RSU1: variants seen among roughly 807,000 people sequenced by gnomAD.
RSU1 encodes the protein Ras suppressor protein 1.
In RSU1, 26 loss-of-function variants were observed where a neutral mutation model predicts 31.1. The ratio of observed to expected loss-of-function variants is 0.84; its 90% CI spans 0.61 to 1.16. The LOEUF is 1.16. Among genes scored for constraint, RSU1 ranks in the 50% most tolerant of loss-of-function variants. The pLI is 0.00. For synonymous variants in RSU1, 164 were observed against 136.3 expected (o/e 1.20, Z -1.41); for missense variants, 320 against 339.1 (o/e 0.94, Z 0.44).
At chr10:16,767,469 T>A (rs980571947) in intron 3 of RSU1, 2 of 152,148 alleles carry the variant, frequency 1.3e-5, no homozygotes, top group African/African-American at 4.8e-5. Context: ...ACGCAAACAA[T>A]AACCCCATAT....
At chr10:16,762,041 C>T (rs1837220221) in intron 4 of RSU1, among the ~76,000 whole-genome samples, 1 of 152,076 alleles carries the variant, frequency 6.6e-6, no homozygotes, top group South Asian at 2.1e-4. Context: ...TGTTGGTCCA[C>T]AACCGCCAGC....
chr10:16,704,209 C>T (rs1835850151), intron 7 of RSU1, among the ~76,000 whole-genome samples: 1 of 152,102 alleles, frequency 6.6e-6, no homozygotes, highest in African/African-American at 2.4e-5. Context: ...AGGATAAAAA[C>T]CTACCAACTG....
intron 8 of RSU1, among the ~76,000 whole-genome samples, chr10:16,680,230 G>A (rs940209143): frequency 1.3e-5 from 2 of 151,706 alleles, no homozygotes; most frequent in Admixed American, 6.6e-5. Flanking sequence ...CCTTTAACGG[G>A]GTATCAAAAA....
chr10:16,613,417 C>G (rs930527908), intron 8 of RSU1, among the ~76,000 whole-genome samples: 1 of 152,146 alleles, frequency 6.6e-6, no homozygotes, highest in Admixed American at 6.5e-5. Context: ...TGCCAAGAGT[C>G]GGCACCTTGT....
chr10:16,785,471 C>CACATATAT (rs778413840), intron 2 of RSU1, among the ~76,000 whole-genome samples: 2 of 137,136 alleles, frequency 1.5e-5, no homozygotes, highest in East Asian at 4.6e-4. Context: ...TATATATATA[C>CACATATAT]ACATATATAC....
chr10:16,599,715 A>T (rs1833683801), intron 8 of RSU1, among the ~76,000 whole-genome samples: 1 of 152,230 alleles, frequency 6.6e-6, no homozygotes, highest in African/African-American at 2.4e-5. Context: ...TGCCGCTTCT[A>T]ACCTCTTAGG....
At chr10:16,705,982 AGACTCTGTGGATACGAAGGGCCAAATGT>A (rs1835892619) in intron 7 of RSU1, among the ~76,000 whole-genome samples, 2 of 152,168 alleles carry the variant, frequency 1.3e-5, no homozygotes, top group African/African-American at 4.8e-5. Context: ...CCATGAATGC[AGACTCTGTGGATACGAAGGGCCAAATGT>A]AAACACCATA....
At chr10:16,600,140 A>C (rs1319500794) in intron 8 of RSU1, among the ~76,000 whole-genome samples, 1 of 152,132 alleles carries the variant, frequency 6.6e-6, no homozygotes, top group Non-Finnish European at 1.5e-5. Flanking sequence ...TCTGTCACTG[A>C]AGATGGTTTC....
intron 5 of RSU1, among the ~76,000 whole-genome samples, chr10:16,753,691 T>C (rs1307036132): frequency 6.6e-6 from 1 of 152,228 alleles, no homozygotes; most frequent in Non-Finnish European, 1.5e-5. Context: ...GATTCCAACC[T>C]ACTGAAGGCT....
In RSU1 at chr10:16,695,157, T is replaced by TTGGG. The variant is rs1554767081; in HGVS notation, c.599-3_599-2insCCCA. The TTGGG allele has an allele frequency of 8.4e-5, 101 of 1,204,640 alleles. No individual in the cohort carries two copies. Among genetic ancestry groups the TTGGG allele is most frequent in the Non-Finnish European group, 7.7e-5 (69 of 891,522 alleles). 74.6% of individuals were successfully genotyped at this position (1,204,640 alleles called of 1,614,324 possible). On this transcript the variant is annotated splice_polypyrimidine_tract_variant and splice_region_variant and intron_variant, in intron 7 of 8. Coordinates refer to ENST00000345264, the MANE Select transcript of RSU1 (RefSeq NM_012425.4). Reference sequence around the variant, plus strand: ...TCTGGCCAGTTAAATCCAAGTTTCCTGGGGGGGGGGAAAAAAAAAGTGAAG... The same window carrying TTGGG: ...TCTGGCCAGTTAAATCCAAGTTTCCTTGGGGGGGGGGGGGAAAAAAAAAGTGAAG...
intron 2 of RSU1, among the ~76,000 whole-genome samples, chr10:16,801,099 A>T (rs570014212): frequency 0.015 from 1,983 of 135,230 alleles, 55 homozygotes; most frequent in African/African-American, 0.048. Flanking sequence ...CTTTTTTTTA[A>T]AAAAAAAAAC....
chr10:16,802,193 A>C (rs1247436910), intron 2 of RSU1, among the ~76,000 whole-genome samples: 2 of 76,690 alleles, frequency 2.6e-5, no homozygotes, highest in Non-Finnish European at 4.7e-5. Flanking sequence ...GAGGCTAACC[A>C]AAAAAAAAAA....
chr10:16,732,310 A>G (rs564233762), intron 7 of RSU1, among the ~76,000 whole-genome samples: 1 of 152,256 alleles, frequency 6.6e-6, no homozygotes, highest in African/African-American at 2.4e-5. Flanking sequence ...AGTATTTATG[A>G]CCCCTCCAAA....
Position 16,627,964 on chromosome 10 carries a change from A to T in RSU1, c.732-34468T>A, listed in dbSNP as rs548509188. Among the ~76,000 whole-genome samples the T allele has an allele frequency of 2.6e-5, 4 of 152,134 alleles. No individual in the cohort carries two copies. In the East Asian group the frequency reaches 7.7e-4, roughly 29 times the overall value. On this transcript the variant is annotated intron_variant, in intron 8 of 8. Transcript: ENST00000345264. ...TACTTTCTGCTTCTCCAGCTCCTCC[A>T]TCCAGAGGCGAGACCAGCGATGTTG...
intron 2 of RSU1, among the ~76,000 whole-genome samples, chr10:16,789,567 G>A (rs1248817356): frequency 3.9e-5 from 6 of 152,158 alleles, no homozygotes; most frequent in African/African-American, 9.7e-5. Flanking sequence ...TGGAAACTGA[G>A]CTGTTAGAAA....
intron 4 of RSU1, among the ~76,000 whole-genome samples, chr10:16,759,889 T>C (rs1837173543): frequency 6.6e-6 from 1 of 152,212 alleles, no homozygotes; most frequent in African/African-American, 2.4e-5. Flanking sequence ...GGATCACACA[T>C]ACAAGTGGCT....
chr10:16,746,571 A>G (rs1836859566), intron 7 of RSU1, among the ~76,000 whole-genome samples: 1 of 152,024 alleles, frequency 6.6e-6, no homozygotes, highest in Admixed American at 6.6e-5. Context: ...TCTTCAGCTC[A>G]CACAACAGCG....
At chr10:16,713,495 A>G (rs116353659) in intron 7 of RSU1, among the ~76,000 whole-genome samples, 3,676 of 152,100 alleles carry the variant, frequency 0.024, 153 homozygotes, top group African/African-American at 0.084. Flanking sequence ...TTTCACTTGC[A>G]CTTTTTATTT....
Position 16,782,098 on chromosome 10 carries a change from A to G in RSU1, c.110-14T>C, listed in dbSNP as rs1341429948. On this transcript the variant is annotated splice_polypyrimidine_tract_variant and intron_variant, in intron 2 of 8. Coordinates refer to ENST00000345264, the MANE Select transcript of RSU1 (RefSeq NM_012425.4). ...GGGATAAGGTAACTAAAAAGAAAAG[A>G]AAAAAAAAAAGGTCAGTCAGTAAAT... is the stretch of plus-strand genomic sequence containing the variant. 2.7e-6 allele frequency: 3 copies of G among 1,121,940 alleles called. No individual in the cohort carries two copies. The highest frequency in any genetic ancestry group is 3.7e-6 in the Non-Finnish European group (3 of 817,916). The allele number at this position is 1,121,940 out of a possible 1,614,324, so 69.5% of individuals were successfully genotyped here.
Sources: gnomAD v4.1 joint callset for allele counts (sites outside exome capture counted in the v4.1 genomes callset) on GRCh38, gnomAD v4.1.1 for gene constraint, MANE v1.5 for transcripts, NCBI Gene and HGNC (gene_info 2026-07-23, HGNC 2026-07-21) for gene names.